The following CADM2 variants were observed in gnomAD, a reference collection of about 807,000 sequenced individuals.
CADM2 encodes cell adhesion molecule 2.
CADM2 carries 12 observed loss-of-function variants against 49.8 expected under a neutral mutation model. That is an observed-to-expected ratio of 0.24 (90% CI 0.15 to 0.39). CADM2 has a LOEUF of 0.39. CADM2 is among the 10% of genes least tolerant of loss of function. CADM2 has a pLI of 1.00. For synonymous variants in CADM2, 214 were observed against 175.4 expected (o/e 1.22, Z -1.74); for missense variants, 378 against 492.3 (o/e 0.77, Z 2.20).
intron 1 of CADM2, among the ~76,000 whole-genome samples, chr3:85,386,608 G>A (rs1310967757): frequency 6.6e-6 from 1 of 152,266 alleles, no homozygotes; most frequent in African/African-American, 2.4e-5. Flanking sequence ...CGTGTTGTGG[G>A]CAGAGTACTT....
intron 2 of CADM2, among the ~76,000 whole-genome samples, chr3:85,788,926 T>G (rs1440832775): frequency 2.0e-5 from 3 of 152,246 alleles, no homozygotes; most frequent in Non-Finnish European, 4.4e-5. Flanking sequence ...ATTGAACTTA[T>G]GTAATTTTTA....
chr3:85,881,507 A>T (rs904173301), intron 3 of CADM2, among the ~76,000 whole-genome samples: 2 of 152,096 alleles, frequency 1.3e-5, no homozygotes, highest in Admixed American at 6.5e-5. Context: ...TGCTAATTAG[A>T]TTTATTCTAA....
rs76214207 is a variant in CADM2, at chr3:85,268,505, A to T, written c.61+308837A>T. Among the ~76,000 whole-genome samples the T allele has an allele frequency of 5.0e-3, 754 of 151,588 alleles. 7 individuals are homozygous for T. Among genetic ancestry groups the T allele is most frequent in the African/African-American group, 0.018 (729 of 41,484 alleles). On this transcript the variant is annotated intron_variant, in intron 1 of 9. Coordinates refer to ENST00000383699, the MANE Select transcript of CADM2 (RefSeq NM_001167675.2). Reference sequence around the variant, plus strand: ...TATTGTCCACAAATTAGTATTTGACAGTTCAATTTTGTAAATTGAAGATTT... The same window carrying T: ...TATTGTCCACAAATTAGTATTTGACTGTTCAATTTTGTAAATTGAAGATTT...
At chr3:85,845,986 T>C (rs2074861778) in intron 3 of CADM2, among the ~76,000 whole-genome samples, 1 of 151,958 alleles carries the variant, frequency 6.6e-6, no homozygotes, top group Non-Finnish European at 1.5e-5. Flanking sequence ...CTGGGGTTGG[T>C]GGTGGGTCTG....
intron 1 of CADM2, among the ~76,000 whole-genome samples, chr3:85,492,610 T>C (rs1444006970): frequency 2.0e-5 from 3 of 151,912 alleles, no homozygotes; most frequent in Non-Finnish European, 2.9e-5. Flanking sequence ...TAAATAAAAA[T>C]AAAAGTAAAT....
At chr3:85,740,284 G>T (rs2068328498) in intron 2 of CADM2, among the ~76,000 whole-genome samples, 1 of 152,128 alleles carries the variant, frequency 6.6e-6, no homozygotes, top group Admixed American at 6.5e-5. Context: ...TTAACTGATT[G>T]TATGCCCTAT....
intron 1 of CADM2, among the ~76,000 whole-genome samples, chr3:85,518,779 AATGGCATTTAAGGC>A (rs1212805522): frequency 5.3e-5 from 8 of 152,092 alleles, no homozygotes; most frequent in Non-Finnish European, 1.0e-4. Context: ...AGGACATTGT[AATGGCATTTAAGGC>A]CTACCCAGAT....
At chr3:85,030,790 C>A (rs1576072301) in intron 1 of CADM2, among the ~76,000 whole-genome samples, 1 of 152,152 alleles carries the variant, frequency 6.6e-6, no homozygotes. Flanking sequence ...GAATTAAGTT[C>A]TCTTTTCTGA....
chr3:85,609,226 T>G (rs910036739), intron 1 of CADM2, among the ~76,000 whole-genome samples: 2 of 152,110 alleles, frequency 1.3e-5, no homozygotes, highest in Admixed American at 1.3e-4. Flanking sequence ...AGATTTGAGT[T>G]CTTGTACTCC....
At chr3:85,096,080 T>C (rs2037783433) in intron 1 of CADM2, among the ~76,000 whole-genome samples, 1 of 152,146 alleles carries the variant, frequency 6.6e-6, no homozygotes, top group African/African-American at 2.4e-5. Flanking sequence ...ATTAAATTTC[T>C]TCTATAAGAA....
intron 1 of CADM2, among the ~76,000 whole-genome samples, chr3:85,607,460 A>G (rs907358339): frequency 2.6e-5 from 4 of 152,114 alleles, no homozygotes; most frequent in Admixed American, 6.6e-5. Flanking sequence ...TTGAAGAACT[A>G]GTAATACTGT....
At chr3:85,873,236 C>T (rs2075996776) in intron 3 of CADM2, among the ~76,000 whole-genome samples, 1 of 152,088 alleles carries the variant, frequency 6.6e-6, no homozygotes, top group Non-Finnish European at 1.5e-5. Context: ...CAAACCATAG[C>T]ATTAACAAAA....
chr3:86,058,642 T>C (rs886244388), intron 8 of CADM2, among the ~76,000 whole-genome samples: 1 of 152,108 alleles, frequency 6.6e-6, no homozygotes, highest in Non-Finnish European at 1.5e-5. Flanking sequence ...TAATATATAA[T>C]AACAATTGAA....
chr3:85,505,601 G>A (rs115505795), intron 1 of CADM2, among the ~76,000 whole-genome samples: 82 of 152,274 alleles, frequency 5.4e-4, no homozygotes, highest in Non-Finnish European at 8.5e-4. Context: ...GAGCTCTCCA[G>A]GCAGTTAGGG....
chr3:85,193,365 T>C, intron 1 of CADM2, among the ~76,000 whole-genome samples: 1 of 85,850 alleles, frequency 1.2e-5, no homozygotes, highest in South Asian at 2.9e-4. Flanking sequence ...ATCTAAAAAA[T>C]CTTAAAAAAT....
chr3:85,642,046 G>T (rs1442493032), intron 1 of CADM2, among the ~76,000 whole-genome samples: 3 of 152,024 alleles, frequency 2.0e-5, no homozygotes, highest in Non-Finnish European at 4.4e-5. Context: ...ACAGGCCTCA[G>T]ATTAAAATTG....
At chr3:85,714,289 T>C (rs1170170513) in intron 1 of CADM2, among the ~76,000 whole-genome samples, 1 of 152,112 alleles carries the variant, frequency 6.6e-6, no homozygotes, top group Non-Finnish European at 1.5e-5. Flanking sequence ...GACTACTTGC[T>C]TGAACACAAT....
chr3:85,079,025 G>T (rs2037059292), intron 1 of CADM2, among the ~76,000 whole-genome samples: 3 of 151,694 alleles, frequency 2.0e-5, no homozygotes, highest in Admixed American at 6.6e-5. Context: ...TGGTTATATT[G>T]TTTTGCCAAT....
intron 1 of CADM2, among the ~76,000 whole-genome samples, chr3:85,366,103 C>T (rs1417147639): frequency 1.3e-5 from 2 of 152,154 alleles, no homozygotes; most frequent in Non-Finnish European, 2.9e-5. Context: ...TACATAGGTG[C>T]TGTCTGTTCA....
Sources: gnomAD v4.1 joint callset for allele counts (sites outside exome capture counted in the v4.1 genomes callset) on GRCh38, gnomAD v4.1.1 for gene constraint, MANE v1.5 for transcripts, NCBI Gene and HGNC (gene_info 2026-07-23, HGNC 2026-07-21) for gene names.